The following LHFPL2 variants were observed in gnomAD, a reference collection of about 807,000 sequenced individuals.
The protein encoded by LHFPL2 is LHFPL tetraspan subfamily member 2, also known as LHFPL tetraspan subfamily member 2 protein.
A neutral mutation model predicts 17.5 loss-of-function variants in LHFPL2; 7 were observed. The observed-to-expected ratio is 0.40, with a 90% confidence interval of 0.23 to 0.75. The LOEUF (loss-of-function observed/expected upper bound fraction) is 0.75. LHFPL2 is among the 30% of genes least tolerant of loss of function. The pLI, the probability that LHFPL2 is intolerant of heterozygous loss-of-function variation, is 0.37. For missense variants in LHFPL2, 241 were observed against 294.8 expected (o/e 0.82, Z 1.34); for synonymous variants, 134 against 116.2 (o/e 1.15, Z -0.99).
intron 2 of LHFPL2, among the ~76,000 whole-genome samples, chr5:78,577,546 C>A (rs181315639): frequency 1.3e-5 from 2 of 152,228 alleles, no homozygotes; most frequent in East Asian, 3.9e-4. Flanking sequence ...AAGTGAACGA[C>A]CAAGAACTAG....
At chr5:78,496,398 G>A (rs1264781043) in intron 4 of LHFPL2, among the ~76,000 whole-genome samples, 1 of 152,172 alleles carries the variant, frequency 6.6e-6, no homozygotes, top group African/African-American at 2.4e-5. Context: ...GAAATAGCTG[G>A]CCATTGGCCC....
At chr5:78,636,094 T>C (rs2112520652) in intron 1 of LHFPL2, among the ~76,000 whole-genome samples, 1 of 152,276 alleles carries the variant, frequency 6.6e-6, no homozygotes, top group Admixed American at 6.5e-5. Context: ...GTGCTCTTCT[T>C]GAGCTGCCTG....
chr5:78,591,225 C>T (rs538356111), intron 2 of LHFPL2, among the ~76,000 whole-genome samples: 8 of 152,110 alleles, frequency 5.3e-5, no homozygotes, highest in Non-Finnish European at 1.2e-4. Flanking sequence ...AAGACGAGGG[C>T]CTAACCCCCT....
At chr5:78,553,379 T>C (rs1756496491) in intron 3 of LHFPL2, among the ~76,000 whole-genome samples, 1 of 152,178 alleles carries the variant, frequency 6.6e-6, no homozygotes, top group Admixed American at 6.5e-5. Flanking sequence ...GTCCCCAATA[T>C]AATTGGTTGA....
intron 3 of LHFPL2, among the ~76,000 whole-genome samples, chr5:78,564,472 A>C (rs1756809079): frequency 6.6e-6 from 1 of 152,200 alleles, no homozygotes; most frequent in Admixed American, 6.5e-5. Flanking sequence ...AAAAATGATG[A>C]AATGGTCCAC....
intron 2 of LHFPL2, among the ~76,000 whole-genome samples, chr5:78,587,316 A>G (rs1178743179): frequency 6.6e-6 from 1 of 152,250 alleles, no homozygotes; most frequent in Admixed American, 6.5e-5. Context: ...AATAGGACAA[A>G]TGATGACAAT....
At chr5:78,637,387 T>C (rs937195440) in intron 1 of LHFPL2, among the ~76,000 whole-genome samples, 2 of 149,894 alleles carry the variant, frequency 1.3e-5, no homozygotes, top group African/African-American at 4.9e-5. Context: ...TTTAACTAGC[T>C]TGGGGGGAGG....
chr5:78,503,494 C>G (rs551799655), intron 4 of LHFPL2, among the ~76,000 whole-genome samples: 76 of 152,232 alleles, frequency 5.0e-4, no homozygotes, highest in East Asian at 3.1e-3. Flanking sequence ...GTCAGGAGTA[C>G]GAGACCAGCC....
At chr5:78,608,948 T>A (rs996604982) in intron 2 of LHFPL2, among the ~76,000 whole-genome samples, 146 of 146,048 alleles carry the variant, frequency 1.0e-3, no homozygotes, top group African/African-American at 3.6e-3. Context: ...AAAAAAAAAA[T>A]ACATTAGAGA....
At position 78,487,982 on chromosome 5, in the gene LHFPL2, C is replaced by T. The variant is rs1013071394; in HGVS notation, c.*915G>A. On this transcript the variant is annotated 3_prime_UTR_variant, in exon 5 of 5. Coordinates refer to ENST00000380345, the MANE Select transcript of LHFPL2 (RefSeq NM_005779.3). ...AGGTCTCCCCCCAAGTGCCGAGATT[C>T]TGGCAGGTCCTCCCAGTGAACATCT... 6.6e-6 allele frequency: 1 copy of T among 152,190 alleles called. No individual in the cohort carries two copies. The allele number at this position is 152,190 out of a possible 1,614,324, so 9.4% of individuals were successfully genotyped here.
At chr5:78,585,686 C>A (rs1743362215) in intron 2 of LHFPL2, among the ~76,000 whole-genome samples, 1 of 152,240 alleles carries the variant, frequency 6.6e-6, no homozygotes, top group Admixed American at 6.5e-5. Context: ...CCTCCTCCTC[C>A]TCCTCATCAT....
intron 2 of LHFPL2, among the ~76,000 whole-genome samples, chr5:78,599,356 G>A (rs1410057381): frequency 6.6e-6 from 1 of 152,124 alleles, no homozygotes; most frequent in Non-Finnish European, 1.5e-5. Flanking sequence ...CTGGAGTGCA[G>A]TGGCTCAATC....
chr5:78,502,059 T>C (rs1366888985), intron 4 of LHFPL2, among the ~76,000 whole-genome samples: 1 of 152,036 alleles, frequency 6.6e-6, no homozygotes. Context: ...TCTAGTAAGA[T>C]ATCCATTTTC....
chr5:78,514,454 G>T (rs1755230565), intron 3 of LHFPL2, among the ~76,000 whole-genome samples: 1 of 152,140 alleles, frequency 6.6e-6, no homozygotes, highest in South Asian at 2.1e-4. Flanking sequence ...TGGTCTGTGG[G>T]AGTCAGTCCT....
intron 3 of LHFPL2, among the ~76,000 whole-genome samples, chr5:78,530,086 A>G (rs1213168503): frequency 6.6e-6 from 1 of 152,252 alleles, no homozygotes; most frequent in Admixed American, 6.5e-5. Context: ...AAGATCCATC[A>G]GGCACATTAT....
At chr5:78,511,420 T>C (rs1264249885) in intron 3 of LHFPL2, among the ~76,000 whole-genome samples, 1 of 152,246 alleles carries the variant, frequency 6.6e-6, no homozygotes, top group Non-Finnish European at 1.5e-5. Flanking sequence ...CAGAGGAGTC[T>C]GGACCCTGAA....
In LHFPL2 at chr5:78,486,124, C is replaced by G. The variant is rs1434939541; in HGVS notation, c.*2773G>C. ...TAAATATGCTACACATAAAAAAAGACTATGGCACTTTACAGAATATATGTT... is the reference window on the plus strand; with the variant it reads ...TAAATATGCTACACATAAAAAAAGAGTATGGCACTTTACAGAATATATGTT... On this transcript the variant is annotated 3_prime_UTR_variant, in exon 5 of 5. Transcript: ENST00000380345. 6.6e-6 allele frequency: 1 copy of G among 152,528 alleles called. No individual in the cohort carries two copies. The highest frequency in any genetic ancestry group is 1.5e-5 in the Non-Finnish European group (1 of 68,022). 9.4% of individuals were successfully genotyped at this position (152,528 alleles called of 1,614,324 possible). A position where few individuals can be genotyped will look rare whatever the true frequency, so the allele number is the denominator to read the frequency against.
At chr5:78,535,603 GCCT>G (rs1755924820) in intron 3 of LHFPL2, among the ~76,000 whole-genome samples, 1 of 152,160 alleles carries the variant, frequency 6.6e-6, no homozygotes, top group Admixed American at 6.5e-5. Flanking sequence ...CTCCTCCCAA[GCCT>G]GCTCCACCTG....
At chr5:78,622,281 G>A (rs1744881994) in intron 2 of LHFPL2, among the ~76,000 whole-genome samples, 1 of 152,088 alleles carries the variant, frequency 6.6e-6, no homozygotes, top group African/African-American at 2.4e-5. Context: ...CAACAATTAG[G>A]GAGAAACTTT....
Sources: allele counts gnomAD v4.1 joint callset (sites outside exome capture counted in the v4.1 genomes callset), GRCh38; gene constraint gnomAD v4.1.1; transcripts MANE v1.5; gene names NCBI Gene and HGNC (gene_info 2026-07-23, HGNC 2026-07-21).